The following DENND5A variants were observed in gnomAD, a reference collection of about 807,000 sequenced individuals.
DENND5A encodes DENN domain containing 5A.
Under a neutral mutation model 140.3 loss-of-function variants are expected in DENND5A, and 64 were observed. The observed-to-expected ratio is 0.46, with a 90% CI of 0.37 to 0.56. The LOEUF (loss-of-function observed/expected upper bound fraction) is 0.56. DENND5A is among the 20% of genes least tolerant of loss of function. The pLI is 0.00. For missense variants in DENND5A, 1,292 were observed against 1,593.8 expected (o/e 0.81, Z 3.22); for synonymous variants, 605 against 607.7 (o/e 1.00, Z 0.07).
chr11:9,246,564 A>G (rs2136282610), intron 1 of DENND5A, among the ~76,000 whole-genome samples: 1 of 145,642 alleles, frequency 6.9e-6, no homozygotes, highest in Admixed American at 7.0e-5. Flanking sequence ...GTAAGCAGAG[A>G]TTGCACCACT....
At chr11:9,177,147 G>A (rs756718154) in intron 8 of DENND5A, among the ~76,000 whole-genome samples, 3 of 151,658 alleles carry the variant, frequency 2.0e-5, no homozygotes, top group Admixed American at 6.6e-5. Context: ...CTAGCTACAC[G>A]GGAGACTGAG....
chr11:9,169,495 GCACACACA>G lies in DENND5A; in HGVS notation c.2151+353_2151+360del, dbSNP rs59297086. Among the ~76,000 whole-genome samples, 349 of 145,804 alleles carry G rather than the reference GCACACACA, an allele frequency of 2.4e-3. 1 individual carries two copies. Among genetic ancestry groups the G allele is most frequent in the African/African-American group, 3.5e-3 (139 of 39,696 alleles). On this transcript the variant is annotated intron_variant, in intron 10 of 22. Coordinates refer to ENST00000328194, the MANE Select transcript of DENND5A (RefSeq NM_015213.4). Reference sequence around the variant, plus strand: ...ATTAACTTTTTTCCTATATACACACGCACACACACACACACACACACACACACACACAC... The same window carrying G: ...ATTAACTTTTTTCCTATATACACACGCACACACACACACACACACACACAC...
At chr11:9,144,303 A>T in intron 18 of DENND5A, 25 bp from the exon 19 acceptor site, 1 of 1,611,982 alleles carries the variant, frequency 6.2e-7, no homozygotes, top group Non-Finnish European at 8.5e-7. Flanking sequence ...ATGGACTGTC[A>T]GAGCAGCCAG....
intron 11 of DENND5A, among the ~76,000 whole-genome samples, chr11:9,161,166 T>C (rs1240967739): frequency 1.3e-5 from 2 of 152,136 alleles, no homozygotes; most frequent in South Asian, 2.1e-4. Context: ...GCTAACACGG[T>C]GAAACCCCGT....
intron 6 of DENND5A, 35 bp downstream of exon 6, chr11:9,180,732 A>T (rs1354977269): frequency 8.8e-6 from 14 of 1,594,046 alleles, no homozygotes; most frequent in Non-Finnish European, 1.2e-5. Context: ...CCTAGCACAG[A>T]TCACACGTGT....
At chr11:9,194,474 C>T (rs772362839) in intron 4 of DENND5A, among the ~76,000 whole-genome samples, 2 of 151,202 alleles carry the variant, frequency 1.3e-5, no homozygotes, top group African/African-American at 2.4e-5. Context: ...GAGGCTGAGA[C>T]GTAAGAATTG....
At chr11:9,158,701 C>A (rs72857989) in intron 12 of DENND5A, among the ~76,000 whole-genome samples, 2 of 152,024 alleles carry the variant, frequency 1.3e-5, no homozygotes, top group African/African-American at 4.8e-5. Flanking sequence ...GTTTTACAGT[C>A]AAGCTCTTAA....
chr11:9,202,778 C>T (rs547988984), intron 4 of DENND5A, among the ~76,000 whole-genome samples: 75 of 152,238 alleles, frequency 4.9e-4, no homozygotes, highest in African/African-American at 1.7e-3. Flanking sequence ...TTGTCTTAGA[C>T]CGTTTATACT....
intron 1 of DENND5A, among the ~76,000 whole-genome samples, chr11:9,250,765 C>G (rs985578901): frequency 2.6e-5 from 4 of 152,182 alleles, no homozygotes; most frequent in Non-Finnish European, 5.9e-5. Flanking sequence ...ATTTCTAGCT[C>G]TGACATTTTT....
At chr11:9,195,533 A>G (rs1436114716) in intron 4 of DENND5A, among the ~76,000 whole-genome samples, 1 of 152,218 alleles carries the variant, frequency 6.6e-6, no homozygotes, top group Non-Finnish European at 1.5e-5. Context: ...AATTAAAATG[A>G]TGTTATGCAC....
chr11:9,139,929 A>G, intron 22 of DENND5A, 75 bp from the exon 23 acceptor site: 1 of 1,435,244 alleles, frequency 7.0e-7, no homozygotes, highest in South Asian at 1.2e-5. Context: ...TGCAAGGCCA[A>G]GGGGGAAACC....
chr11:9,178,456 G>T, intron 7 of DENND5A, 90 bp from the exon 8 acceptor site: 1 of 789,186 alleles, frequency 1.3e-6, no homozygotes, highest in Non-Finnish European at 2.1e-6. Flanking sequence ...ATTCTCTGAG[G>T]CTGCCTAGGT....
intron 1 of DENND5A, among the ~76,000 whole-genome samples, chr11:9,217,418 G>A (rs973502423): frequency 1.3e-5 from 2 of 152,064 alleles, no homozygotes; most frequent in Non-Finnish European, 2.9e-5. Context: ...AGAAGCTGAG[G>A]CAGGAGAATA....
At chr11:9,234,362 G>T (rs531504503) in intron 1 of DENND5A, among the ~76,000 whole-genome samples, 2 of 151,722 alleles carry the variant, frequency 1.3e-5, no homozygotes, top group African/African-American at 4.8e-5. Context: ...CCAGTATACA[G>T]ACAATTCACA....
chr11:9,161,703 A>G (rs1847989420), intron 11 of DENND5A, among the ~76,000 whole-genome samples: 1 of 152,222 alleles, frequency 6.6e-6, no homozygotes, highest in Non-Finnish European at 1.5e-5. Flanking sequence ...GTACTATGTC[A>G]GGCATTGTAC....
intron 1 of DENND5A, among the ~76,000 whole-genome samples, chr11:9,239,919 G>T (rs1851162957): frequency 6.6e-6 from 1 of 151,892 alleles, no homozygotes; most frequent in African/African-American, 2.4e-5. Context: ...TAGTCCCTCG[G>T]GTATTTTTCC....
chr11:9,190,431 C>T (rs1270613675), intron 5 of DENND5A, among the ~76,000 whole-genome samples: 1 of 152,110 alleles, frequency 6.6e-6, no homozygotes, highest in African/African-American at 2.4e-5. Flanking sequence ...ATGCTGTTCT[C>T]GTGATAGTGA....
At chr11:9,156,934 T>C (rs883550) in intron 12 of DENND5A, among the ~76,000 whole-genome samples, 23,722 of 151,192 alleles carry the variant, frequency 0.16, 2,290 homozygotes, top group African/African-American at 0.27. Flanking sequence ...TGAGAATTCC[T>C]GCAGAATAAT....
At chr11:9,245,064 C>G (rs982261434) in intron 1 of DENND5A, among the ~76,000 whole-genome samples, 1 of 150,292 alleles carries the variant, frequency 6.7e-6, no homozygotes, top group African/African-American at 2.4e-5. Context: ...GCGGGTGAAT[C>G]ACGAGGTCAG....
Sources: allele counts gnomAD v4.1 joint callset (sites outside exome capture counted in the v4.1 genomes callset), GRCh38; gene constraint gnomAD v4.1.1; transcripts MANE v1.5; gene names NCBI Gene and HGNC (gene_info 2026-07-23, HGNC 2026-07-21).